The following ESYT2 variants were observed in gnomAD, a reference collection of about 807,000 sequenced individuals.
The protein encoded by ESYT2 is extended synaptotagmin-2.
ESYT2 carries 54 observed loss-of-function variants against 107.2 expected under a neutral mutation model. That is an observed-to-expected ratio of 0.50 (90% CI 0.40 to 0.63). ESYT2 has a LOEUF of 0.63. ESYT2 is among the 30% of genes least tolerant of loss of function. The pLI is 0.00. For synonymous variants in ESYT2, 491 were observed against 434.1 expected (o/e 1.13, Z -1.63); for missense variants, 1,020 against 1,094.5 (o/e 0.93, Z 0.96).
intron 6 of ESYT2, among the ~76,000 whole-genome samples, chr7:158,776,385 A>T (rs951495702): frequency 6.6e-6 from 1 of 152,244 alleles, no homozygotes; most frequent in African/African-American, 2.4e-5. Context: ...CAGCAGAAGG[A>T]TGTTTAATAT....
chr7:158,758,497 G>A (rs984524207), intron 13 of ESYT2, among the ~76,000 whole-genome samples: 6 of 152,248 alleles, frequency 3.9e-5, no homozygotes, highest in Admixed American at 2.0e-4. Context: ...TATCTCCCTG[G>A]TAAACACTGA....
At chr7:158,760,329 C>A (rs914590597) in intron 11 of ESYT2, among the ~76,000 whole-genome samples, 182 bp from the exon 12 acceptor site, 6 of 152,220 alleles carry the variant, frequency 3.9e-5, no homozygotes, top group Non-Finnish European at 7.3e-5. Context: ...AGTGACCTCA[C>A]GTTTGGAGGC....
Position 158,735,566 on chromosome 7 carries a change from C to T in ESYT2, c.2442G>A (p.Thr814=), listed in dbSNP as rs199513558. Residue 814 remains threonine, a synonymous_variant, in exon 21 of 23, where the codon ACG becomes ACA. Coordinates refer to ENST00000275418, the MANE Select transcript of ESYT2 (RefSeq NM_001367773.1). ...CACTGTTCTTCACGGCAACGTCGAG[C>T]GTTCTCCTCTGCACTTCTGGTAACG... ...SVSLPEVQRR[T]LDVAVKNSGG... 3.2e-5 allele frequency: 52 copies of T among 1,613,998 alleles called. No individual in the cohort carries two copies. Among genetic ancestry groups the T allele is most frequent in the Admixed American group, 5.0e-5 (3 of 60,002 alleles).
At chr7:158,820,862 T>A (rs2129474279) in intron 1 of ESYT2, among the ~76,000 whole-genome samples, 1 of 152,342 alleles carries the variant, frequency 6.6e-6, no homozygotes, top group Admixed American at 6.5e-5. Context: ...TAAACAGATT[T>A]GCTGTGTTAT....
chr7:158,817,451 G>A (rs77174158), intron 1 of ESYT2, among the ~76,000 whole-genome samples: 2,864 of 152,276 alleles, frequency 0.019, 88 homozygotes, highest in African/African-American at 0.065. Flanking sequence ...GATCTGGAGC[G>A]CTCCCCACAC....
At chr7:158,818,773 A>G (rs1489151006) in intron 1 of ESYT2, among the ~76,000 whole-genome samples, 1 of 152,316 alleles carries the variant, frequency 6.6e-6, no homozygotes, top group East Asian at 1.9e-4. Context: ...TGACTCACCC[A>G]AGGGCAGGGA....
At chr7:158,751,057 T>C (rs921374617) in intron 14 of ESYT2, among the ~76,000 whole-genome samples, 1 of 152,348 alleles carries the variant, frequency 6.6e-6, no homozygotes, top group South Asian at 2.1e-4. Flanking sequence ...GACTGCACCT[T>C]GTCAATTTTA....
intron 1 of ESYT2, among the ~76,000 whole-genome samples, chr7:158,803,362 G>T (rs969643463): frequency 6.6e-6 from 1 of 152,140 alleles, no homozygotes; most frequent in Admixed American, 6.5e-5. Flanking sequence ...AGAGAACCTC[G>T]GTTCTACAAG....
rs1836732101 is a variant in ESYT2, at chr7:158,731,109, T to C, written c.*3098A>G. 1 of 151,706 alleles carries C rather than the reference T, an allele frequency of 6.6e-6. No homozygotes were observed. Among genetic ancestry groups the C allele is most frequent in the African/African-American group, 2.4e-5 (1 of 41,094 alleles). The allele number at this position is 151,706 out of a possible 1,614,324, so 9.4% of individuals were successfully genotyped here. A position where few individuals can be genotyped will look rare whatever the true frequency, so the allele number is the denominator to read the frequency against. ...CCCCATCCCCCACCGCTGTTCTCTA[T>C]TTGCAGTGGGGGGTCCAGCTGGAGG... On this transcript the variant is annotated 3_prime_UTR_variant, in exon 23 of 23. Coordinates refer to ENST00000275418, the MANE Select transcript of ESYT2 (RefSeq NM_001367773.1).
At chr7:158,797,174 T>A (rs1164793554) in intron 3 of ESYT2, among the ~76,000 whole-genome samples, 1 of 152,100 alleles carries the variant, frequency 6.6e-6, no homozygotes, top group African/African-American at 2.4e-5. Flanking sequence ...TGAAATAGGG[T>A]CTCGCTCTGT....
At chr7:158,784,984 G>A (rs1839058155) in intron 6 of ESYT2, among the ~76,000 whole-genome samples, 1 of 152,170 alleles carries the variant, frequency 6.6e-6, no homozygotes, top group Non-Finnish European at 1.5e-5. Flanking sequence ...ATCTCAACAA[G>A]ACTAAGGACT....
At chr7:158,779,634 G>A (rs137972890) in intron 6 of ESYT2, among the ~76,000 whole-genome samples, 28 of 152,188 alleles carry the variant, frequency 1.8e-4, no homozygotes, top group Middle Eastern at 3.4e-3. Context: ...GGGAAGAAAC[G>A]ACTGATTTTT....
chr7:158,803,514 G>A lies in ESYT2; in HGVS notation c.331-4442C>T, dbSNP rs116173361. ...GTTTACTTAAACAGATGTGGCCTGC[G>A]TTCAAATAATTCAGTCTGGAGAAAT... On this transcript the variant is annotated intron_variant, in intron 1 of 22. Coordinates refer to ENST00000275418, the MANE Select transcript of ESYT2 (RefSeq NM_001367773.1). 2.8e-3 allele frequency among the ~76,000 whole-genome samples: 419 copies of A among 152,270 alleles called. 3 individuals are homozygous for A. The highest frequency in any genetic ancestry group is 9.5e-3 in the African/African-American group (395 of 41,548).
chr7:158,792,420 C>A (rs145656874), intron 4 of ESYT2, among the ~76,000 whole-genome samples: 4 of 151,034 alleles, frequency 2.6e-5, no homozygotes, highest in Admixed American at 6.6e-5. Flanking sequence ...CTCAGCTACT[C>A]GGCAGGCTGA....
At chr7:158,824,289 G>A (rs913505845) in intron 1 of ESYT2, among the ~76,000 whole-genome samples, 2 of 152,092 alleles carry the variant, frequency 1.3e-5, no homozygotes, top group East Asian at 1.9e-4. Context: ...ATGACCACTC[G>A]GATTCAGGTG....
At chr7:158,813,808 C>G (rs559358850) in intron 1 of ESYT2, among the ~76,000 whole-genome samples, 34 of 151,990 alleles carry the variant, frequency 2.2e-4, no homozygotes, top group African/African-American at 7.7e-4. Flanking sequence ...ATGACTCTCA[C>G]AGATCAAAAA....
At chr7:158,781,356 AAGAACG>A (rs1479127369) in intron 6 of ESYT2, among the ~76,000 whole-genome samples, 16 of 151,356 alleles carry the variant, frequency 1.1e-4, no homozygotes, top group Admixed American at 4.6e-4. Context: ...AGGTATGTGT[AAGAACG>A]AGAACAAGTG....
At chr7:158,815,231 G>A (rs911937918) in intron 1 of ESYT2, among the ~76,000 whole-genome samples, 3 of 152,176 alleles carry the variant, frequency 2.0e-5, no homozygotes, top group African/African-American at 7.2e-5. Context: ...TCGCTTGCCT[G>A]TCTCCTGTCT....
At position 158,773,308 on chromosome 7, in the gene ESYT2, C is replaced by T. The variant is rs777568532; in HGVS notation, c.803+33G>A. ...CCAAAATGCACAACACGCCCTCGAA[C>T]GCTAAGCCTCCGGGACCAGACACGA... On this transcript the variant is annotated intron_variant, in intron 7 of 22. Transcript: ENST00000275418. 1.7e-5 allele frequency: 27 copies of T among 1,613,014 alleles called. No individual in the cohort carries two copies. The East Asian group carries it at 3.1e-4, about 19-fold the overall frequency.
Sources: allele counts gnomAD v4.1 joint callset (sites outside exome capture counted in the v4.1 genomes callset), GRCh38; gene constraint gnomAD v4.1.1; transcripts MANE v1.5; gene names NCBI Gene and HGNC (gene_info 2026-07-23, HGNC 2026-07-21).